The following PBX4 variants were observed in gnomAD, a reference collection of about 807,000 sequenced individuals.
PBX4 encodes the protein pre-B-cell leukemia transcription factor 4.
A neutral mutation model predicts 35.1 loss-of-function variants in PBX4; 26 were observed. The observed-to-expected ratio is 0.74, with a 90% CI of 0.54 to 1.03. The LOEUF is 1.03. Among genes scored for constraint, PBX4 ranks in the 50% least tolerant of loss-of-function variants. The pLI is 0.00. For missense variants in PBX4, 448 were observed against 504.3 expected, an observed-to-expected ratio of 0.89 and a Z score of 1.07; for synonymous variants, 199 against 204.2, an observed-to-expected ratio of 0.97 and a Z score of 0.22.
chr19:19,570,432 G>A, intron 3 of PBX4, 133 bp from the exon 4 acceptor site: 2 of 1,433,462 alleles, frequency 1.4e-6, no homozygotes, highest in Non-Finnish European at 1.9e-6. Flanking sequence ...TAAGTAAATG[G>A]AAAGGGCTTT....
Position 19,599,342 on chromosome 19 carries a change from CG to C in PBX4, c.142del (p.Arg48GlyfsTer2), listed in dbSNP as rs753564379. The C allele has an allele frequency of 6.2e-7, 1 of 1,613,282 alleles. No individual in the cohort carries two copies. The highest frequency in any genetic ancestry group is 8.5e-7 in the Non-Finnish European group (1 of 1,179,570). The stretch of plus-strand genomic sequence containing the variant: ...CACGCTGAACAGAGCAGGCTTCATC[CG>C]ATGGCAATTCAGAGCATGCTTTCTG... The part of the protein sequence containing the change: ...QARKHALNCH[R>X]MKPALFSVLC... On this transcript the variant is annotated frameshift_variant, in exon 2 of 8. Transcript: ENST00000251203. LOFTEE classifies it high-confidence loss of function.
At chr19:19,570,399 T>G (rs2061374519) in intron 3 of PBX4, 100 bp from the exon 4 acceptor site, 1 of 1,458,530 alleles carries the variant, frequency 6.9e-7, no homozygotes, top group African/African-American at 1.4e-5. Flanking sequence ...CCCCCTGTAG[T>G]TCACACACCG....
At chr19:19,566,533 G>C (rs2061342883) in intron 5 of PBX4, among the ~76,000 whole-genome samples, 1 of 152,050 alleles carries the variant, frequency 6.6e-6, no homozygotes, top group South Asian at 2.1e-4. Flanking sequence ...GATGACCTTT[G>C]CTACTTCAAA....
intron 2 of PBX4, chr19:19,588,088 A>G (rs2061502071): frequency 1.1e-6 from 1 of 880,852 alleles, no homozygotes; most frequent in African/African-American, 1.7e-5. Flanking sequence ...CCACTTACCA[A>G]TCACCTCTTC....
chr19:19,616,431 C>T (rs898490658), intron 1 of PBX4, among the ~76,000 whole-genome samples: 42 of 151,894 alleles, frequency 2.8e-4, no homozygotes, highest in African/African-American at 1.0e-3. Flanking sequence ...TTTCTCCTGC[C>T]TCAGCCTCCC....
At chr19:19,601,847 A>G (rs1284588287) in intron 1 of PBX4, among the ~76,000 whole-genome samples, 1 of 152,086 alleles carries the variant, frequency 6.6e-6, no homozygotes, top group Admixed American at 6.6e-5. Context: ...GGGCTTTCTG[A>G]CCTACCGAAA....
intron 2 of PBX4, 43 bp downstream of exon 2, chr19:19,599,249 G>A (rs1477526712): frequency 6.5e-7 from 1 of 1,537,480 alleles, no homozygotes; most frequent in Non-Finnish European, 9.0e-7. Context: ...TTACAGGCAT[G>A]AGCCACCACG....
intron 1 of PBX4, among the ~76,000 whole-genome samples, chr19:19,603,547 T>C (rs2061610324): frequency 6.6e-6 from 1 of 152,154 alleles, no homozygotes; most frequent in Non-Finnish European, 1.5e-5. Flanking sequence ...GCCAGGCTTA[T>C]AGGCATGAGC....
At chr19:19,585,530 G>A (rs1878409345) in intron 2 of PBX4, among the ~76,000 whole-genome samples, 1 of 151,944 alleles carries the variant, frequency 6.6e-6, no homozygotes, top group Non-Finnish European at 1.5e-5. Flanking sequence ...ATCACAACCA[G>A]TCACAACTGA....
intron 2 of PBX4, among the ~76,000 whole-genome samples, chr19:19,574,316 G>T (rs1339516783): frequency 1.3e-5 from 2 of 152,160 alleles, no homozygotes; most frequent in Non-Finnish European, 2.9e-5. Context: ...CTCAAGCTTG[G>T]CCCTGTCTCT....
chr19:19,604,269 G>A (rs1273270578), intron 1 of PBX4, among the ~76,000 whole-genome samples: 1 of 151,954 alleles, frequency 6.6e-6, no homozygotes, highest in Non-Finnish European at 1.5e-5. Context: ...TCAGGAGTTT[G>A]AGACCAGCCT....
intron 3 of PBX4, 53 bp downstream of exon 3, chr19:19,570,533 C>T: frequency 6.3e-7 from 1 of 1,598,396 alleles, no homozygotes; most frequent in African/African-American, 1.3e-5. Context: ...CCGTGTTTCG[C>T]TTTGACAAAT....
rs71170701 is a variant in PBX4, at chr19:19,604,478, A to AAAAAAAAAAC, written c.120-5114_120-5113insGTTTTTTTTT. ...CGAGATTCCATCTCAAAAAAAAAAA[A>AAAAAAAAAAC]GGAATACAACTGGGGTGCAGAACTA... On this transcript the variant is annotated intron_variant, in intron 1 of 7. Transcript: ENST00000251203. 8.6e-5 allele frequency among the ~76,000 whole-genome samples: 13 copies of AAAAAAAAAAC among 150,626 alleles called. 1 individual carries two copies. Among genetic ancestry groups the AAAAAAAAAAC allele is most frequent in the Admixed American group, 3.3e-4 (5 of 15,090 alleles).
chr19:19,565,113 G>C lies in PBX4; in HGVS notation c.769-24C>G, dbSNP rs201447024. On this transcript the variant is annotated intron_variant, in intron 5 of 7. Coordinates refer to ENST00000251203, the MANE Select transcript of PBX4 (RefSeq NM_025245.3). ...ACCTGCGGACACACAGGAGTCACTGGAGGAGCTGACCCAGCGACTTCTGAG... is the reference window on the plus strand; with the variant it reads ...ACCTGCGGACACACAGGAGTCACTGCAGGAGCTGACCCAGCGACTTCTGAG... 517 of 1,613,752 alleles carry C rather than the reference G, an allele frequency of 3.2e-4. 3 individuals carry two copies. Among genetic ancestry groups the C allele is most frequent in the Middle Eastern group, 1.6e-4 (1 of 6,084 alleles).
intron 1 of PBX4, among the ~76,000 whole-genome samples, chr19:19,603,112 A>T (rs2061607961): frequency 6.6e-6 from 1 of 151,828 alleles, no homozygotes. Context: ...CCCTCTCTCC[A>T]CTGTCGCCCA....
chr19:19,573,180 C>T (rs2061396508), intron 2 of PBX4, among the ~76,000 whole-genome samples: 1 of 151,790 alleles, frequency 6.6e-6, no homozygotes, highest in South Asian at 2.1e-4. Context: ...TGGCACATGC[C>T]TGTAATCCTA....
At chr19:19,609,764 T>G (rs2061652833) in intron 1 of PBX4, among the ~76,000 whole-genome samples, 1 of 151,896 alleles carries the variant, frequency 6.6e-6, no homozygotes, top group Non-Finnish European at 1.5e-5. Flanking sequence ...GGCAGGAGAA[T>G]GGCGTGAACC....
chr19:19,615,886 T>TCACA (rs377323785), intron 1 of PBX4, among the ~76,000 whole-genome samples: 3 of 150,200 alleles, frequency 2.0e-5, no homozygotes, highest in African/African-American at 4.9e-5. Flanking sequence ...TGAGAGTCCG[T>TCACA]CACACACACA....
rs551394672 is a variant in PBX4, at chr19:19,561,944, C to T, written c.*81G>A. On this transcript the variant is annotated 3_prime_UTR_variant, in exon 8 of 8. Transcript: ENST00000251203. ...ACCCATCTGGGTTTTCTGAGGTCGTCGGCGGCACGTTCAGTAACAAAGCAA... is the reference window on the plus strand; with the variant it reads ...ACCCATCTGGGTTTTCTGAGGTCGTTGGCGGCACGTTCAGTAACAAAGCAA... The T allele has an allele frequency of 1.5e-4, 189 of 1,269,738 alleles. 5 individuals are homozygous for T. In the South Asian group the frequency reaches 1.7e-3, roughly 12 times the overall value. 78.7% of individuals were successfully genotyped at this position (1,269,738 alleles called of 1,614,324 possible). A position where few individuals can be genotyped will look rare whatever the true frequency, so the allele number is the denominator to read the frequency against.
Sources: allele counts gnomAD v4.1 joint callset (sites outside exome capture counted in the v4.1 genomes callset), GRCh38; gene constraint gnomAD v4.1.1; transcripts MANE v1.5; gene names NCBI Gene and HGNC (gene_info 2026-07-23, HGNC 2026-07-21).